Variants in NEO1 observed in about 807,000 individuals in gnomAD.
NEO1 encodes the protein neogenin.
In NEO1, 63 loss-of-function variants were observed where a neutral mutation model predicts 159.7. The ratio of observed to expected loss-of-function variants is 0.39; its 90% CI spans 0.32 to 0.49. The LOEUF is 0.49. NEO1 is among the 20% of genes least tolerant of loss of function. The pLI, the probability that NEO1 is intolerant of heterozygous loss-of-function variation, is 0.85. For missense variants in NEO1, 1,615 were observed against 1,831.0 expected (o/e 0.88, Z 2.15); for synonymous variants, 633 against 662.0 (o/e 0.96, Z 0.67).
intron 7 of NEO1, among the ~76,000 whole-genome samples, chr15:73,193,369 G>A (rs1371188357): frequency 2.0e-5 from 3 of 151,838 alleles, no homozygotes; most frequent in Non-Finnish European, 4.4e-5. Flanking sequence ...TAAGTGACTT[G>A]CCATAAAATA....
At chr15:73,242,670 AAAAC>A (rs1487645993) in intron 8 of NEO1, among the ~76,000 whole-genome samples, 8 of 152,330 alleles carry the variant, frequency 5.3e-5, no homozygotes, top group South Asian at 2.1e-4. Flanking sequence ...ACCCTGTCTC[AAAAC>A]AAACAAACAA....
intron 8 of NEO1, 123 bp downstream of exon 8, chr15:73,236,629 A>T: frequency 1.2e-6 from 1 of 806,832 alleles, no homozygotes. Context: ...ACTGAGATGC[A>T]CCTTCCCTAA....
chr15:73,067,414 A>G (rs1362904186), intron 1 of NEO1, among the ~76,000 whole-genome samples: 1 of 150,376 alleles, frequency 6.6e-6, no homozygotes, highest in Non-Finnish European at 1.5e-5. Flanking sequence ...GTGTCTATAT[A>G]TATTCAGTAT....
intron 5 of NEO1, among the ~76,000 whole-genome samples, chr15:73,173,553 C>T (rs1174836939): frequency 6.6e-6 from 1 of 152,066 alleles, no homozygotes; most frequent in Non-Finnish European, 1.5e-5. Context: ...GAAGAAAATA[C>T]AAGTGAATGT....
At chr15:73,070,311 C>T (rs563099430) in intron 1 of NEO1, among the ~76,000 whole-genome samples, 1 of 152,294 alleles carries the variant, frequency 6.6e-6, no homozygotes, top group South Asian at 2.1e-4. Flanking sequence ...GGCTTTCACA[C>T]TTGTTCAGGT....
At chr15:73,206,185 G>A (rs1422725604) in intron 7 of NEO1, among the ~76,000 whole-genome samples, 1 of 152,158 alleles carries the variant, frequency 6.6e-6, no homozygotes, top group African/African-American at 2.4e-5. Flanking sequence ...GGGATTACAG[G>A]CATGAGCCAC....
chr15:73,186,919 G>A (rs1205842676), intron 7 of NEO1, among the ~76,000 whole-genome samples: 2 of 152,062 alleles, frequency 1.3e-5, no homozygotes, highest in Non-Finnish European at 2.9e-5. Context: ...TGGCTGCTCC[G>A]GTGAAACTTT....
intron 7 of NEO1, among the ~76,000 whole-genome samples, chr15:73,229,970 AG>A (rs2038811427): frequency 6.6e-6 from 1 of 152,204 alleles, no homozygotes; most frequent in Admixed American, 6.5e-5. Flanking sequence ...TATGATCATA[AG>A]GGATACTGGT....
At position 73,071,441 on chromosome 15, in the gene NEO1, T is replaced by G. The variant is rs564083133; in HGVS notation, c.130+18636T>G. ...TTCAGAATTTAAAAGAAACAGTGTT[T>G]GAGAATGAACTCCTCCTCCAGGGAA... is the stretch of plus-strand genomic sequence containing the variant. On this transcript the variant is annotated intron_variant, in intron 1 of 28. Transcript: ENST00000261908. Among the ~76,000 whole-genome samples, 33 of 152,354 alleles carry G rather than the reference T, an allele frequency of 2.2e-4. 1 individual carries two copies. Among genetic ancestry groups the G allele is most frequent in the African/African-American group, 7.9e-4 (33 of 41,596 alleles).
chr15:73,214,949 T>A (rs1036274501), intron 7 of NEO1, among the ~76,000 whole-genome samples: 1 of 152,324 alleles, frequency 6.6e-6, no homozygotes, highest in Admixed American at 6.5e-5. Flanking sequence ...TTGTCTGTGA[T>A]TTCTTTCAGC....
chr15:73,224,526 C>G (rs140289500), intron 7 of NEO1, among the ~76,000 whole-genome samples: 407 of 152,060 alleles, frequency 2.7e-3, no homozygotes, highest in Non-Finnish European at 4.7e-3. Flanking sequence ...TTTTCTTTGT[C>G]TTTGTTGGAT....
intron 9 of NEO1, among the ~76,000 whole-genome samples, chr15:73,248,793 G>T (rs904265570): frequency 2.6e-5 from 4 of 152,130 alleles, no homozygotes; most frequent in African/African-American, 7.2e-5. Context: ...TGTGGTGGTT[G>T]CCTTTTATGT....
chr15:73,189,925 T>C (rs537966615), intron 7 of NEO1, among the ~76,000 whole-genome samples: 2 of 152,330 alleles, frequency 1.3e-5, no homozygotes, highest in East Asian at 1.9e-4. Flanking sequence ...TTCACTTTTA[T>C]GCATTTTCGG....
chr15:73,175,873 C>G (rs933106147), intron 5 of NEO1, among the ~76,000 whole-genome samples: 11 of 152,100 alleles, frequency 7.2e-5, no homozygotes, highest in African/African-American at 2.7e-4. Flanking sequence ...ATCCTTTCCC[C>G]GTCACCCTGT....
At position 73,254,682 on chromosome 15, in the gene NEO1, A is replaced by G; in HGVS notation, c.1945A>G (p.Ser649Gly). The G allele has an allele frequency of 6.2e-7, 1 of 1,610,656 alleles. No homozygotes were observed. The highest frequency in any genetic ancestry group is 1.1e-5 in the South Asian group (1 of 90,396). Reference sequence around the variant, plus strand: ...TTTTCTATAATTCTGTCTTGTGCAGAGTATTATGATTCACTGGCAGCCACC... The same window carrying G: ...TTTTCTATAATTCTGTCTTGTGCAGGGTATTATGATTCACTGGCAGCCACC... ...NLSLEVRNSK[S>G]IMIHWQPPAP... is the part of the protein sequence containing the mutation. The change falls in exon 13 of 29, where the codon AGT (serine) becomes GGT (glycine). Residue 649 changes from serine to glycine, a missense_variant and splice_region_variant. Physicochemically the swap from Ser to Gly is moderately conservative, Grantham distance 56. Coordinates refer to ENST00000261908, the MANE Select transcript of NEO1 (RefSeq NM_002499.4).
intron 20 of NEO1, among the ~76,000 whole-genome samples, chr15:73,274,368 A>G (rs2151052931): frequency 6.6e-6 from 1 of 152,326 alleles, no homozygotes. Flanking sequence ...CAGGCAGGCT[A>G]TTAACCTGAA....
intron 19 of NEO1, 135 bp from the exon 20 acceptor site, chr15:73,273,676 T>G: frequency 1.5e-6 from 1 of 659,476 alleles, no homozygotes. Flanking sequence ...TTATTTTAAT[T>G]GTAGACCCTT....
chr15:73,118,238 C>G (rs2071434157), intron 2 of NEO1, among the ~76,000 whole-genome samples: 1 of 152,048 alleles, frequency 6.6e-6, no homozygotes, highest in African/African-American at 2.4e-5. Flanking sequence ...TTATAAGCAT[C>G]TGCCTGCTAC....
At chr15:73,198,171 T>C (rs554060437) in intron 7 of NEO1, among the ~76,000 whole-genome samples, 1 of 152,008 alleles carries the variant, frequency 6.6e-6, no homozygotes, top group Non-Finnish European at 1.5e-5. Context: ...ATTTAGCCAT[T>C]TTTTTTTCTA....
Sources: gnomAD v4.1 joint callset for allele counts (sites outside exome capture counted in the v4.1 genomes callset) on GRCh38, gnomAD v4.1.1 for gene constraint, MANE v1.5 for transcripts, NCBI Gene and HGNC (gene_info 2026-07-23, HGNC 2026-07-21) for gene names.